ZSWIM6: variants seen among roughly 807,000 people sequenced by gnomAD.
The protein encoded by ZSWIM6 is zinc finger SWIM domain-containing protein 6.
In ZSWIM6, 9 loss-of-function variants were observed where a neutral mutation model predicts 113.2. That is an observed-to-expected ratio of 0.08 (90% CI 0.05 to 0.14). The LOEUF (loss-of-function observed/expected upper bound fraction) is 0.14. Ranked by LOEUF, ZSWIM6 falls within the 10% of genes least tolerant of loss-of-function variation. ZSWIM6 has a pLI of 1.00. For missense variants in ZSWIM6, 1,162 were observed against 1,552.2 expected (o/e 0.75, Z 4.22); for synonymous variants, 611 against 606.5 (o/e 1.01, Z -0.11).
chr5:61,334,440 C>T (rs975297905), intron 1 of ZSWIM6, among the ~76,000 whole-genome samples: 21 of 152,202 alleles, frequency 1.4e-4, no homozygotes, highest in Admixed American at 3.3e-4. Flanking sequence ...GGACGCATCT[C>T]TATCTCTTTG....
chr5:61,347,917 G>A (rs1579944528), intron 1 of ZSWIM6, among the ~76,000 whole-genome samples: 1 of 152,106 alleles, frequency 6.6e-6, no homozygotes, highest in East Asian at 1.9e-4. Flanking sequence ...TGATCTTTTT[G>A]AATTAAAAAA....
Position 61,371,463 on chromosome 5 carries a change from T to A in ZSWIM6, c.676+38515T>A, listed in dbSNP as rs75692259. On this transcript the variant is annotated intron_variant, in intron 1 of 13. Coordinates refer to ENST00000252744, the MANE Select transcript of ZSWIM6 (RefSeq NM_020928.2). ...TTCTTTACCTAAATTGCTTTTATTT[T>A]AAAGAGAAGCACGTCAGAATTTTAT... is the stretch of plus-strand genomic sequence containing the variant. 6.1e-3 allele frequency among the ~76,000 whole-genome samples: 931 copies of A among 152,348 alleles called. 9 individuals carry two copies. The highest frequency in any genetic ancestry group is 0.021 in the African/African-American group (877 of 41,578).
At chr5:61,367,644 G>A (rs981921533) in intron 1 of ZSWIM6, among the ~76,000 whole-genome samples, 12 of 152,180 alleles carry the variant, frequency 7.9e-5, no homozygotes, top group Admixed American at 2.6e-4. Context: ...TTGAACACAG[G>A]TAGTCAGAGT....
At chr5:61,411,092 C>T (rs1176347999) in intron 1 of ZSWIM6, among the ~76,000 whole-genome samples, 1 of 152,202 alleles carries the variant, frequency 6.6e-6, no homozygotes, top group Non-Finnish European at 1.5e-5. Flanking sequence ...GTCTGAAGCA[C>T]TGCAGCAAAG....
chr5:61,462,534 T>C (rs903048474), intron 1 of ZSWIM6, among the ~76,000 whole-genome samples: 4 of 152,204 alleles, frequency 2.6e-5, no homozygotes, highest in African/African-American at 9.7e-5. Context: ...ATATTAGCTA[T>C]GGATTAGCAC....
At chr5:61,533,421 T>A (rs914550527) in intron 9 of ZSWIM6, among the ~76,000 whole-genome samples, 1 of 152,212 alleles carries the variant, frequency 6.6e-6, no homozygotes, top group Admixed American at 6.5e-5. Context: ...TTGCTAGTAT[T>A]AATCCCTCCT....
intron 1 of ZSWIM6, among the ~76,000 whole-genome samples, chr5:61,440,388 G>A (rs1746801658): frequency 6.7e-6 from 1 of 149,080 alleles, no homozygotes; most frequent in African/African-American, 2.5e-5. Flanking sequence ...AAAAAGATAT[G>A]GTTGAACCTA....
chr5:61,360,229 A>C lies in ZSWIM6; in HGVS notation c.676+27281A>C, dbSNP rs547831345. 1.5e-3 allele frequency among the ~76,000 whole-genome samples: 144 copies of C among 93,598 alleles called. 3 individuals are homozygous for C. The South Asian group carries it at 0.041, about 27-fold the overall frequency. The allele number at this position is 93,598 out of a possible 152,430, so 61.4% of individuals were successfully genotyped here. On this transcript the variant is annotated intron_variant, in intron 1 of 13. Transcript: ENST00000252744. The stretch of plus-strand genomic sequence containing the variant: ...TGTTGGAGGTATCGCTAGAACCAGG[A>C]AACAAAAAAAGGCCCCTTTTCTTTC...
chr5:61,490,652 A>T, intron 2 of ZSWIM6, 134 bp from the exon 3 acceptor site: 1 of 832,820 alleles, frequency 1.2e-6, no homozygotes, highest in Non-Finnish European at 1.8e-6. Context: ...CCTTGTATTT[A>T]GTTTGTCACA....
chr5:61,360,041 T>C (rs1259842659), intron 1 of ZSWIM6, among the ~76,000 whole-genome samples: 3 of 151,890 alleles, frequency 2.0e-5, no homozygotes, highest in African/African-American at 7.3e-5. Flanking sequence ...TAAATGAATG[T>C]TGATTGTTGA....
intron 1 of ZSWIM6, among the ~76,000 whole-genome samples, chr5:61,339,889 C>T (rs368582187): frequency 5.9e-5 from 9 of 152,280 alleles, no homozygotes; most frequent in African/African-American, 1.9e-4. Context: ...TTCAAAACCA[C>T]GAACTGTTTC....
At chr5:61,351,007 T>A (rs1322854111) in intron 1 of ZSWIM6, among the ~76,000 whole-genome samples, 6 of 152,248 alleles carry the variant, frequency 3.9e-5, no homozygotes, top group Admixed American at 3.9e-4. Context: ...CATATATTGA[T>A]TTCATAATTA....
intron 1 of ZSWIM6, among the ~76,000 whole-genome samples, chr5:61,389,900 T>G (rs1159867684): frequency 6.6e-6 from 1 of 152,224 alleles, no homozygotes; most frequent in East Asian, 1.9e-4. Flanking sequence ...GTTTTTGATC[T>G]GGGAATAAAA....
At chr5:61,488,562 C>T (rs547275796) in intron 2 of ZSWIM6, among the ~76,000 whole-genome samples, 1 of 152,044 alleles carries the variant, frequency 6.6e-6, no homozygotes, top group African/African-American at 2.4e-5. Context: ...TCAGGCTTTT[C>T]TGTTTCTTCT....
intron 1 of ZSWIM6, among the ~76,000 whole-genome samples, chr5:61,455,267 C>G (rs886135047): frequency 6.6e-6 from 1 of 152,082 alleles, no homozygotes; most frequent in African/African-American, 2.4e-5. Flanking sequence ...GTTCATGGCA[C>G]TTTTGTGGAA....
chr5:61,332,844 T>C lies in ZSWIM6; in HGVS notation c.572T>C (p.Val191Ala). 1 of 1,064,958 alleles carries C rather than the reference T, an allele frequency of 9.4e-7. No individual in the cohort carries two copies. The highest frequency in any genetic ancestry group is 3.5e-5 in the South Asian group (1 of 28,832). 66.0% of individuals were successfully genotyped at this position (1,064,958 alleles called of 1,614,324 possible). ...GCCGCGGGGGCCGGGGCCCCGTCGGTGGGGGCTGCCGGGGCGGCGGACGGC... is the reference window on the plus strand; with the variant it reads ...GCCGCGGGGGCCGGGGCCCCGTCGGCGGGGGCTGCCGGGGCGGCGGACGGC... ...AAAAGAGAPS[V>A]GAAGAADGGD... The change falls in exon 1 of 14, where the codon GTG (valine) becomes GCG (alanine). Residue 191 changes from valine to alanine, a missense_variant. Val to Ala is a moderately conservative substitution (Grantham distance 64). This residue lies in a region of ZSWIM6 where 333 missense variants were observed against 293.4 expected (regional missense o/e 1.13). Transcript: ENST00000252744.
At chr5:61,424,619 CTCTGGTGCCAGT>C (rs1293166360) in intron 1 of ZSWIM6, among the ~76,000 whole-genome samples, 1 of 152,106 alleles carries the variant, frequency 6.6e-6, no homozygotes, top group Non-Finnish European at 1.5e-5. Flanking sequence ...GCTGTTCCAG[CTCTGGTGCCAGT>C]AGCCCACTCA....
chr5:61,412,194 C>T (rs1398618991), intron 1 of ZSWIM6, among the ~76,000 whole-genome samples: 19 of 152,162 alleles, frequency 1.2e-4, no homozygotes, highest in Admixed American at 1.2e-3. Flanking sequence ...ATACTGAGAT[C>T]TCATGATAAA....
chr5:61,451,558 A>G (rs1747087082), intron 1 of ZSWIM6, among the ~76,000 whole-genome samples: 1 of 152,020 alleles, frequency 6.6e-6, no homozygotes, highest in African/African-American at 2.4e-5. Context: ...TCTCTTTTTT[A>G]TCTTTCCCAG....
Sources: allele counts gnomAD v4.1 joint callset (sites outside exome capture counted in the v4.1 genomes callset), GRCh38; gene constraint gnomAD v4.1.1; regional missense constraint gnomAD v4.1.1; transcripts MANE v1.5; gene names NCBI Gene and HGNC (gene_info 2026-07-23, HGNC 2026-07-21).